The following PTPRG variants were observed in gnomAD, a reference collection of about 807,000 sequenced individuals.
PTPRG encodes protein tyrosine phosphatase receptor type G.
Under a neutral mutation model 165.3 loss-of-function variants are expected in PTPRG, and 102 were observed. The observed-to-expected ratio is 0.62, with a 90% CI of 0.53 to 0.73. PTPRG has a LOEUF of 0.73. Among genes scored for constraint, PTPRG ranks in the 30% least tolerant of loss-of-function variants. The pLI, the probability that PTPRG is intolerant of heterozygous loss-of-function variation, is 0.00. For missense variants in PTPRG, 1,866 were observed against 1,861.4 expected (o/e 1.00, Z -0.05); for synonymous variants, 675 against 669.5 (o/e 1.01, Z -0.13).
chr3:61,936,160 G>T (rs2039479275), intron 2 of PTPRG, among the ~76,000 whole-genome samples: 1 of 152,176 alleles, frequency 6.6e-6, no homozygotes, highest in Non-Finnish European at 1.5e-5. Flanking sequence ...TCCTGTTGGT[G>T]CCTTGACTTT....
intron 2 of PTPRG, among the ~76,000 whole-genome samples, chr3:61,814,190 A>G (rs995688660): frequency 6.6e-6 from 1 of 152,182 alleles, no homozygotes; most frequent in African/African-American, 2.4e-5. Flanking sequence ...CGTGAGCCAC[A>G]GCGCCCAGCT....
intron 1 of PTPRG, among the ~76,000 whole-genome samples, chr3:61,568,977 T>A (rs1207368159): frequency 1.3e-5 from 2 of 152,118 alleles, no homozygotes; most frequent in Non-Finnish European, 2.9e-5. Flanking sequence ...TGATGAGGTT[T>A]CTATATGTGC....
chr3:62,004,898 G>A (rs1396220948), intron 4 of PTPRG, among the ~76,000 whole-genome samples: 1 of 151,972 alleles, frequency 6.6e-6, no homozygotes, highest in Non-Finnish European at 1.5e-5. Context: ...GAAGACACAT[G>A]CATCTATCTA....
chr3:61,690,341 G>A (rs1012761107), intron 1 of PTPRG, among the ~76,000 whole-genome samples: 2 of 152,186 alleles, frequency 1.3e-5, no homozygotes. Flanking sequence ...CCCTTTCTGG[G>A]TGTTTGTTGC....
intron 2 of PTPRG, among the ~76,000 whole-genome samples, chr3:61,790,040 A>G (rs1397184782): frequency 1.3e-5 from 2 of 152,074 alleles, no homozygotes; most frequent in African/African-American, 4.8e-5. Flanking sequence ...TGATGTGCTT[A>G]TTCCAGTGGG....
chr3:61,824,200 A>G (rs2036040757), intron 2 of PTPRG, among the ~76,000 whole-genome samples: 2 of 152,226 alleles, frequency 1.3e-5, no homozygotes. Context: ...ACAGTTTTCC[A>G]AACCACACTA....
chr3:61,862,094 C>T (rs751430230), intron 2 of PTPRG, among the ~76,000 whole-genome samples: 5 of 152,184 alleles, frequency 3.3e-5, no homozygotes, highest in South Asian at 2.1e-4. Context: ...GAGTGAGCTC[C>T]GTCTCCTGTC....
At chr3:61,908,669 C>T (rs968448149) in intron 2 of PTPRG, among the ~76,000 whole-genome samples, 1 of 152,110 alleles carries the variant, frequency 6.6e-6, no homozygotes, top group African/African-American at 2.4e-5. Context: ...AGAAAGCAAA[C>T]ATGAATTAAT....
At position 61,945,235 on chromosome 3, in the gene PTPRG, C is replaced by T. The variant is rs148504064; in HGVS notation, c.191-44390C>T. ...AATTTTGTATGCTTTTGACAAACAT[C>T]TGATCCTACTGACACTGAAAGTCCT... On this transcript the variant is annotated intron_variant, in intron 2 of 29. Transcript: ENST00000474889. 4.8e-3 allele frequency among the ~76,000 whole-genome samples: 736 copies of T among 152,180 alleles called. 6 individuals are homozygous for T. Among genetic ancestry groups the T allele is most frequent in the African/African-American group, 0.015 (636 of 41,514 alleles).
chr3:61,639,917 A>G (rs925199161), intron 1 of PTPRG, among the ~76,000 whole-genome samples: 2 of 152,174 alleles, frequency 1.3e-5, no homozygotes, highest in African/African-American at 4.8e-5. Flanking sequence ...TGTTCTGGCT[A>G]GGACTTTCAG....
chr3:62,286,887 A>G (rs1289600197), intron 28 of PTPRG, among the ~76,000 whole-genome samples: 1 of 152,174 alleles, frequency 6.6e-6, no homozygotes, highest in Non-Finnish European at 1.5e-5. Flanking sequence ...AACTTTTGAA[A>G]GAGAATGGCC....
intron 26 of PTPRG, among the ~76,000 whole-genome samples, chr3:62,281,033 T>C (rs144122498): frequency 1.8e-4 from 27 of 152,156 alleles, no homozygotes; most frequent in African/African-American, 6.3e-4. Context: ...GAAAGTGAGA[T>C]GATGGGTATG....
At chr3:62,145,136 GAC>G (rs1244301016) in intron 6 of PTPRG, among the ~76,000 whole-genome samples, 2 of 152,204 alleles carry the variant, frequency 1.3e-5, no homozygotes, top group African/African-American at 4.8e-5. Flanking sequence ...GTATAGGAGA[GAC>G]AGACACTATT....
chr3:61,679,513 C>T (rs559024632), intron 1 of PTPRG, among the ~76,000 whole-genome samples: 4 of 152,198 alleles, frequency 2.6e-5, no homozygotes, highest in African/African-American at 9.6e-5. Context: ...GGCCAGGTAC[C>T]GTGGCTCACG....
intron 5 of PTPRG, among the ~76,000 whole-genome samples, chr3:62,104,761 A>G (rs567468706): frequency 6.6e-6 from 1 of 152,298 alleles, no homozygotes; most frequent in African/African-American, 2.4e-5. Flanking sequence ...CATTACTACT[A>G]GCGGGAACAA....
chr3:62,265,254 ATG>A (rs1207088997), intron 17 of PTPRG, among the ~76,000 whole-genome samples: 1 of 152,094 alleles, frequency 6.6e-6, no homozygotes, highest in Non-Finnish European at 1.5e-5. Context: ...CACTTTCTTA[ATG>A]TGAGTTCTCT....
chr3:62,230,004 T>C (rs1013832187), intron 13 of PTPRG, among the ~76,000 whole-genome samples: 6 of 152,240 alleles, frequency 3.9e-5, no homozygotes, highest in Non-Finnish European at 7.3e-5. Context: ...ACACTCATGA[T>C]TTCTTCAGAT....
chr3:61,733,718 T>G (rs1053306673), intron 1 of PTPRG, among the ~76,000 whole-genome samples: 1 of 152,246 alleles, frequency 6.6e-6, no homozygotes, highest in Admixed American at 6.5e-5. Flanking sequence ...AAAATCTTTG[T>G]TTCTGCCACA....
At chr3:61,800,488 C>T (rs533868885) in intron 2 of PTPRG, among the ~76,000 whole-genome samples, 7 of 151,954 alleles carry the variant, frequency 4.6e-5, no homozygotes, top group African/African-American at 9.7e-5. Flanking sequence ...TTCTTGATGG[C>T]GTCCAAGTTA....
Sources: allele counts gnomAD v4.1 joint callset (sites outside exome capture counted in the v4.1 genomes callset), GRCh38; gene constraint gnomAD v4.1.1; transcripts MANE v1.5; gene names NCBI Gene and HGNC (gene_info 2026-07-23, HGNC 2026-07-21).